Variants in WDFY3 observed in about 807,000 individuals in gnomAD.
The protein encoded by WDFY3 is WD repeat and FYVE domain containing 3, also known as WD repeat and FYVE domain-containing protein 3.
A neutral mutation model predicts 409.6 loss-of-function variants in WDFY3; 66 were observed. The observed-to-expected ratio is 0.16, with a 90% CI of 0.13 to 0.20. The LOEUF (loss-of-function observed/expected upper bound fraction) is 0.20, where lower values mean the gene tolerates loss of function less well. Ranked by LOEUF, WDFY3 falls within the 10% of genes least tolerant of loss-of-function variation. The pLI, the probability that WDFY3 is intolerant of heterozygous loss-of-function variation, is 1.00. For missense variants in WDFY3, 3,031 were observed against 4,298.1 expected, an observed-to-expected ratio of 0.71 and a Z score of 8.24; for synonymous variants, 1,521 against 1,537.1, an observed-to-expected ratio of 0.99 and a Z score of 0.25.
rs537335716 is a variant in WDFY3, at chr4:84,749,248, CAT to C, written c.5973+2233_5973+2234del. Among the ~76,000 whole-genome samples the C allele has an allele frequency of 3.5e-3, 525 of 152,136 alleles. 1 individual carries two copies. The highest frequency in any genetic ancestry group is 7.1e-3 in the South Asian group (34 of 4,818). On this transcript the variant is annotated intron_variant, in intron 36 of 67. Transcript: ENST00000295888. ...ACTTCATAATCATAATTTTCAAAAT[CAT>C]ATGTTTATAATTTATTCTGTTACAC...
At chr4:84,918,072 T>C (rs773582018) in intron 2 of WDFY3, among the ~76,000 whole-genome samples, 1 of 152,232 alleles carries the variant, frequency 6.6e-6, no homozygotes, top group African/African-American at 2.4e-5. Flanking sequence ...GGTAAGGCTG[T>C]GGGAAAACAG....
intron 2 of WDFY3, among the ~76,000 whole-genome samples, chr4:84,901,584 C>A (rs1289682181): frequency 6.6e-6 from 1 of 152,128 alleles, no homozygotes; most frequent in Non-Finnish European, 1.5e-5. Context: ...CAACAGAAAA[C>A]AGACTAAGAC....
intron 6 of WDFY3, 53 bp downstream of exon 6, chr4:84,841,101 G>T (rs1035604656): frequency 7.5e-7 from 1 of 1,335,462 alleles, no homozygotes. Flanking sequence ...AATCACAAGA[G>T]AGGCTATAAA....
At chr4:84,774,785 T>C in intron 29 of WDFY3, 35 bp downstream of exon 29, 1 of 1,565,442 alleles carries the variant, frequency 6.4e-7, no homozygotes. Flanking sequence ...TACTTTTAGT[T>C]AATAAAAAGA....
intron 51 of WDFY3, 32 bp downstream of exon 51, chr4:84,713,127 A>C (rs1285059446): frequency 6.2e-7 from 1 of 1,602,478 alleles, no homozygotes; most frequent in Non-Finnish European, 8.6e-7. Context: ...CTTCACTATT[A>C]AACTGTAACA....
At position 84,687,959 on chromosome 4, in the gene WDFY3, A is replaced by C. The variant is rs142311514; in HGVS notation, c.9543+127T>G. 616 of 1,008,344 alleles carry C rather than the reference A, an allele frequency of 6.1e-4. 4 individuals are homozygous for C. The East Asian group carries it at 0.012, about 20-fold the overall frequency. The allele number at this position is 1,008,344 out of a possible 1,614,324, so 62.5% of individuals were successfully genotyped here. ...CAGCCCAGAAGTCCTGGGCTCAACT[A>C]ATCCTCCTGCGGTAGCCTCCTGAGC... On this transcript the variant is annotated intron_variant, in intron 62 of 67. Transcript: ENST00000295888.
rs199843650 is a variant in WDFY3 at position 84,755,296 on chromosome 4, T to C, written c.5529A>G (p.Leu1843=). 1 of 1,612,694 alleles carries C rather than the reference T, an allele frequency of 6.2e-7. No individual in the cohort carries two copies. The highest frequency in any genetic ancestry group is 1.3e-5 in the African/African-American group (1 of 74,858). Residue 1843 remains leucine (L), a synonymous_variant, in exon 34 of 68, where the codon TTA becomes TTG. Coordinates refer to ENST00000295888, the MANE Select transcript of WDFY3 (RefSeq NM_014991.6). ...HNVCTEAVFL[L]LGMLRSMLTS... ...TCAGCATGCTGCGGAGCATTCCCAA[T>C]AATAAAAAAACAGCTTCTGTGCATA... is the stretch of plus-strand genomic sequence containing the variant.
chr4:84,923,000 T>A (rs937885991), intron 2 of WDFY3, among the ~76,000 whole-genome samples: 1 of 152,210 alleles, frequency 6.6e-6, no homozygotes, highest in African/African-American at 2.4e-5. Context: ...CTGGGACACA[T>A]GCTGTGAGAT....
intron 15 of WDFY3, among the ~76,000 whole-genome samples, chr4:84,806,306 G>C (rs1751495042): frequency 6.6e-6 from 1 of 152,086 alleles, no homozygotes; most frequent in African/African-American, 2.4e-5. Context: ...GAATAGAATG[G>C]CAACCTGAAA....
In WDFY3 at chr4:84,910,246, C is replaced by T. The variant is rs138952840; in HGVS notation, c.-131-13236G>A. Among the ~76,000 whole-genome samples, 354 of 152,212 alleles carry T rather than the reference C, an allele frequency of 2.3e-3. 1 individual carries two copies. Among genetic ancestry groups the T allele is most frequent in the African/African-American group, 8.1e-3 (338 of 41,524 alleles). On this transcript the variant is annotated intron_variant, in intron 2 of 67. Coordinates refer to ENST00000295888, the MANE Select transcript of WDFY3 (RefSeq NM_014991.6). ...CACAGGTTATGTGCAAAAACTATGC[C>T]ATTTCCTATCACGGACTTGAGCACC... is the stretch of plus-strand genomic sequence containing the variant.
chr4:84,810,180 A>G lies in WDFY3; in HGVS notation c.2052T>C (p.Leu684=). 3.7e-6 allele frequency: 6 copies of G among 1,614,112 alleles called. No individual in the cohort carries two copies. The highest frequency in any genetic ancestry group is 1.3e-5 in the African/African-American group (1 of 75,024). The change falls in exon 14 of 68, where the codon CTT becomes CTC. Residue 684 remains leucine (L), a synonymous_variant. Coordinates refer to ENST00000295888, the MANE Select transcript of WDFY3 (RefSeq NM_014991.6). ...EKVNQNQVFE[L]LHTVFCTLTA... is the part of the protein sequence containing the mutation. ...TCAACGTGCAGAACACAGTGTGAAGAAGTTCAAACACTTGATTCTGGTTCA... is the reference window on the plus strand; with the variant it reads ...TCAACGTGCAGAACACAGTGTGAAGGAGTTCAAACACTTGATTCTGGTTCA...
intron 49 of WDFY3, among the ~76,000 whole-genome samples, chr4:84,715,730 G>C (rs968206580): frequency 6.9e-6 from 1 of 144,632 alleles, no homozygotes; most frequent in African/African-American, 2.6e-5. Flanking sequence ...AGCCAAGATC[G>C]CGCCACTGCA....
chr4:84,962,453 T>G (rs112958293), intron 1 of WDFY3, among the ~76,000 whole-genome samples: 1 of 152,184 alleles, frequency 6.6e-6, no homozygotes, highest in South Asian at 2.1e-4. Context: ...TTTAAGAGCA[T>G]CAATTAAATT....
intron 21 of WDFY3, 79 bp downstream of exon 21, chr4:84,794,440 C>A (rs774503444): frequency 6.7e-5 from 89 of 1,338,182 alleles, no homozygotes; most frequent in Non-Finnish European, 8.9e-5. Flanking sequence ...TTATTATTAG[C>A]TGGACTTTTA....
chr4:84,744,902 A>G (rs933459752), intron 36 of WDFY3, among the ~76,000 whole-genome samples: 2 of 151,632 alleles, frequency 1.3e-5, no homozygotes, highest in African/African-American at 2.4e-5. Context: ...AGAAAAACAC[A>G]ATAGATTGTC....
chr4:84,730,768 A>T (rs981278203), intron 44 of WDFY3, among the ~76,000 whole-genome samples: 5 of 151,914 alleles, frequency 3.3e-5, no homozygotes, highest in African/African-American at 1.2e-4. Context: ...TAAGACTAAC[A>T]ATAGCTGATG....
Position 84,810,075 on chromosome 4 carries a change from A to G in WDFY3, c.2157T>C (p.Val719=), listed in dbSNP as rs189688821. 6.2e-7 allele frequency: 1 copy of G among 1,614,206 alleles called. No individual in the cohort carries two copies. The highest frequency in any genetic ancestry group is 1.7e-5 in the Admixed American group (1 of 60,016). The change falls in exon 14 of 68, where the codon GTT becomes GTC. Residue 719 remains valine, a synonymous_variant. Coordinates refer to ENST00000295888, the MANE Select transcript of WDFY3 (RefSeq NM_014991.6). ...GGTCTGAGAAGCAGCCAAGAAATCG[A>G]ACAGCATCTGCCAACTTCTCATACT... ...EIQYEKLADA[V]RFLGCFSDLR...
intron 1 of WDFY3, among the ~76,000 whole-genome samples, chr4:84,959,768 A>G (rs917586600): frequency 1.3e-5 from 2 of 152,240 alleles, no homozygotes; most frequent in African/African-American, 4.8e-5. Flanking sequence ...GACATATCCC[A>G]GCAAAAAATC....
chr4:84,884,900 T>C (rs1453312445), intron 3 of WDFY3, among the ~76,000 whole-genome samples: 4 of 152,154 alleles, frequency 2.6e-5, no homozygotes, highest in Non-Finnish European at 4.4e-5. Context: ...TAAACTAGAC[T>C]CCTCTCTAAA....
Sources: allele counts gnomAD v4.1 joint callset (sites outside exome capture counted in the v4.1 genomes callset), GRCh38; gene constraint gnomAD v4.1.1; transcripts MANE v1.5; gene names NCBI Gene and HGNC (gene_info 2026-07-23, HGNC 2026-07-21).